Variants in FOCAD observed in about 807,000 individuals in gnomAD.
The protein encoded by FOCAD is KIAA1797.
A neutral mutation model predicts 225.6 loss-of-function variants in FOCAD; 198 were observed. The observed-to-expected ratio is 0.88, with a 90% CI of 0.78 to 0.99. The LOEUF is 0.99. Among genes scored for constraint, FOCAD ranks in the 50% least tolerant of loss-of-function variants. The pLI is 0.00. For synonymous variants in FOCAD, 897 were observed against 755.0 expected (o/e 1.19, Z -3.08); for missense variants, 2,713 against 2,123.6 (o/e 1.28, Z -5.46).
At chr9:20,965,648 C>T (rs943230727) in intron 35 of FOCAD, among the ~76,000 whole-genome samples, 3 of 152,026 alleles carry the variant, frequency 2.0e-5, no homozygotes, top group Non-Finnish European at 4.4e-5. Flanking sequence ...TTTTCATTAC[C>T]CCAAGAGGAA....
intron 21 of FOCAD, among the ~76,000 whole-genome samples, chr9:20,898,535 C>G (rs1214868469): frequency 6.6e-6 from 1 of 151,810 alleles, no homozygotes; most frequent in African/African-American, 2.4e-5. Context: ...TAAAAGCATT[C>G]TTCATTTCTG....
intron 1 of FOCAD, among the ~76,000 whole-genome samples, chr9:20,700,001 G>T (rs1453055208): frequency 6.6e-6 from 1 of 150,954 alleles, no homozygotes; most frequent in African/African-American, 2.4e-5. Context: ...ATATTTCCAC[G>T]CTAATATGAA....
Position 20,748,416 on chromosome 9 carries a change from G to A in FOCAD, c.392+8076G>A, listed in dbSNP as rs149306471. On this transcript the variant is annotated intron_variant, in intron 5 of 43. Transcript: ENST00000338382. Reference sequence around the variant, plus strand: ...TTTACTGGTATGTAGCCTTTTTTGGGAGGGTGGTCAGGACCTTCTTAAGAA... The same window carrying A: ...TTTACTGGTATGTAGCCTTTTTTGGAAGGGTGGTCAGGACCTTCTTAAGAA... 7.6e-4 allele frequency among the ~76,000 whole-genome samples: 115 copies of A among 151,998 alleles called. 1 individual carries two copies. In the East Asian group the frequency reaches 0.02, roughly 27 times the overall value.
At chr9:20,715,194 G>T (rs945524662) in intron 1 of FOCAD, 128 bp from the exon 2 acceptor site, 33 of 379,704 alleles carry the variant, frequency 8.7e-5, no homozygotes, top group Non-Finnish European at 1.4e-4. Context: ...ACTCTGCAGA[G>T]CCCTGTGCTT....
chr9:20,808,974 C>T (rs1408329423), intron 11 of FOCAD, among the ~76,000 whole-genome samples: 1 of 152,042 alleles, frequency 6.6e-6, no homozygotes, highest in East Asian at 1.9e-4. Context: ...ATAGTATGTA[C>T]AGTATTCATA....
At chr9:20,896,750 G>A (rs4623525) in intron 21 of FOCAD, among the ~76,000 whole-genome samples, 124,523 of 151,736 alleles carry the variant, frequency 0.82, 51,285 homozygotes, top group Admixed American at 0.88. Context: ...TAAATTTGTT[G>A]AATTTGTTAA....
chr9:20,977,184 T>C (rs1037310542), intron 36 of FOCAD, among the ~76,000 whole-genome samples: 1 of 152,170 alleles, frequency 6.6e-6, no homozygotes, highest in Non-Finnish European at 1.5e-5. Context: ...ATCTTTCTGG[T>C]TCTCTGTAGC....
At chr9:20,782,391 C>G (rs1819471150) in intron 10 of FOCAD, among the ~76,000 whole-genome samples, 1 of 152,140 alleles carries the variant, frequency 6.6e-6, no homozygotes, top group Non-Finnish European at 1.5e-5. Flanking sequence ...TTGCCGTGTT[C>G]CCTGGCATAA....
intron 37 of FOCAD, among the ~76,000 whole-genome samples, chr9:20,979,416 G>A (rs1450313553): frequency 6.6e-6 from 1 of 152,166 alleles, no homozygotes; most frequent in Non-Finnish European, 1.5e-5. Flanking sequence ...TCGACTCACT[G>A]CAACCTCCGC....
At chr9:20,667,357 T>G (rs1821926532) in intron 2 of FOCAD, among the ~76,000 whole-genome samples, 1 of 152,262 alleles carries the variant, frequency 6.6e-6, no homozygotes, top group Non-Finnish European at 1.5e-5. Context: ...TAAATCTTGT[T>G]GGCAGTCTTA....
At chr9:20,945,959 A>G (rs959657099) in intron 29 of FOCAD, among the ~76,000 whole-genome samples, 2 of 152,202 alleles carry the variant, frequency 1.3e-5, no homozygotes, top group African/African-American at 4.8e-5. Flanking sequence ...ATGTGCAAAA[A>G]TTGAGACTCA....
intron 24 of FOCAD, 104 bp downstream of exon 24, chr9:20,917,041 T>C (rs1258110013): frequency 3.5e-6 from 3 of 858,054 alleles, no homozygotes; most frequent in African/African-American, 1.8e-5. Flanking sequence ...TTAAGGATTT[T>C]AGAGTACTTT....
At chr9:20,790,268 A>C (rs959764314) in intron 11 of FOCAD, among the ~76,000 whole-genome samples, 1 of 151,998 alleles carries the variant, frequency 6.6e-6, no homozygotes, top group Non-Finnish European at 1.5e-5. Flanking sequence ...TTTTTTCTCC[A>C]ATTGATAGAA....
intron 1 of FOCAD, 49 bp from the exon 2 acceptor site, chr9:20,715,273 A>C: frequency 1.2e-6 from 1 of 861,034 alleles, no homozygotes; most frequent in Non-Finnish European, 1.7e-6. Context: ...TGGAGCCCCA[A>C]TTCAGACCAG....
chr9:20,761,976 G>C (rs1002878125), intron 6 of FOCAD, among the ~76,000 whole-genome samples: 1 of 152,136 alleles, frequency 6.6e-6, no homozygotes, highest in African/African-American at 2.4e-5. Context: ...AATCAGAACA[G>C]ATTAAGCCAA....
intron 11 of FOCAD, among the ~76,000 whole-genome samples, chr9:20,807,388 G>A (rs1472934136): frequency 6.6e-6 from 1 of 152,242 alleles, no homozygotes; most frequent in Non-Finnish European, 1.5e-5. Context: ...ACAGAGAATA[G>A]TGCTGTTCAA....
chr9:20,965,596 C>T (rs1282193040), intron 35 of FOCAD, among the ~76,000 whole-genome samples: 1 of 152,090 alleles, frequency 6.6e-6, no homozygotes, highest in East Asian at 1.9e-4. Flanking sequence ...GCATTTAGTG[C>T]ATTTACAATA....
chr9:20,945,468 G>A (rs115991369), intron 29 of FOCAD, among the ~76,000 whole-genome samples: 2 of 152,120 alleles, frequency 1.3e-5, no homozygotes, highest in African/African-American at 2.4e-5. Context: ...GCCTGCCCAT[G>A]AGCTATTGAT....
intron 8 of FOCAD, among the ~76,000 whole-genome samples, chr9:20,772,581 G>T (rs1818345394): frequency 1.3e-5 from 2 of 152,170 alleles, no homozygotes; most frequent in Admixed American, 1.3e-4. Flanking sequence ...ATGGAGCGAT[G>T]ATGTAAAAGT....
Sources: allele counts gnomAD v4.1 joint callset (sites outside exome capture counted in the v4.1 genomes callset), GRCh38; gene constraint gnomAD v4.1.1; transcripts MANE v1.5; gene names NCBI Gene and HGNC (gene_info 2026-07-23, HGNC 2026-07-21).